TNKS2: variants seen among roughly 807,000 people sequenced by gnomAD.
TNKS2 encodes poly [ADP-ribose] polymerase tankyrase-2.
A neutral mutation model predicts 137.6 loss-of-function variants in TNKS2; 72 were observed. The ratio of observed to expected loss-of-function variants is 0.52; its 90% CI spans 0.43 to 0.64. The LOEUF is 0.64. Among genes scored for constraint, TNKS2 ranks in the 30% least tolerant of loss-of-function variants. The probability of loss-of-function intolerance (pLI) is 0.00; values close to 1 mark genes in which losing one functional copy is unlikely to be tolerated. For missense variants in TNKS2, 1,049 were observed against 1,410.2 expected, an observed-to-expected ratio of 0.74 and a Z score of 4.10; for synonymous variants, 516 against 512.1, an observed-to-expected ratio of 1.01 and a Z score of -0.10.
chr10:91,808,797 G>T (rs1196631946), intron 1 of TNKS2, among the ~76,000 whole-genome samples: 1 of 152,160 alleles, frequency 6.6e-6, no homozygotes, highest in African/African-American at 2.4e-5. Context: ...CTAAAAAGAG[G>T]TTAGAGAACT....
chr10:91,842,055 T>C (rs1474027699), intron 15 of TNKS2, 117 bp from the exon 16 acceptor site: 2 of 587,160 alleles, frequency 3.4e-6, no homozygotes, highest in East Asian at 2.9e-5. Context: ...ACCTTCAAAG[T>C]AGAGTCTCAA....
In TNKS2 at chr10:91,798,820, G is replaced by C; in HGVS notation, c.130G>C (p.Val44Leu). 1 of 1,344,474 alleles carries C rather than the reference G, an allele frequency of 7.4e-7. No homozygotes were observed. Among genetic ancestry groups the C allele is most frequent in the African/African-American group, 1.5e-5 (1 of 66,090 alleles). The allele number at this position is 1,344,474 out of a possible 1,614,324, so 83.3% of individuals were successfully genotyped here. ...GGACGTGGAACGAGTCAAGAGGCTGGTGACGCCTGAGAAGGTGAACAGCCG... is the reference window on the plus strand; with the variant it reads ...GGACGTGGAACGAGTCAAGAGGCTGCTGACGCCTGAGAAGGTGAACAGCCG... ...NGDVERVKRL[V>L]TPEKVNSRDT... The change falls in exon 1 of 27, where the codon GTG becomes CTG. Residue 44 changes from valine to leucine, a missense_variant. Around this residue, in one of 6 missense-constraint regions of TNKS2, gnomAD observed 374 missense variants for 460.8 expected, o/e 0.81. Transcript: ENST00000371627.
chr10:91,854,914 A>G (rs200183181), intron 21 of TNKS2, 115 bp from the exon 22 acceptor site: 1 of 495,200 alleles, frequency 2.0e-6, no homozygotes, highest in East Asian at 3.8e-5. Context: ...AAAAAAAAAA[A>G]GTTTAAAAAA....
At chr10:91,803,121 A>T (rs117001607) in intron 1 of TNKS2, among the ~76,000 whole-genome samples, 1 of 152,234 alleles carries the variant, frequency 6.6e-6, no homozygotes, top group African/African-American at 2.4e-5. Context: ...CAGTATGTCT[A>T]TCCCAAGTTG....
rs774046359 is a variant in TNKS2, at chr10:91,848,540, G to A, written c.2516G>A (p.Ser839Asn). 6.2e-7 allele frequency: 1 copy of A among 1,614,116 alleles called. No individual in the cohort carries two copies. The highest frequency in any genetic ancestry group is 1.1e-5 in the South Asian group (1 of 91,086). The change falls in exon 19 of 27, where the codon AGC becomes AAC. Residue 839 changes from serine (S) to asparagine (N), a missense_variant. Coordinates refer to ENST00000371627, the MANE Select transcript of TNKS2 (RefSeq NM_025235.4). ...AGCCCATCAAGCCTTTCTGCAGCCAGCAGTCTTGACAACTTATCTGGGAGT... is the reference window on the plus strand; with the variant it reads ...AGCCCATCAAGCCTTTCTGCAGCCAACAGTCTTGACAACTTATCTGGGAGT... ...PSSPSSLSAASSLDNLSGSFS... is the reference protein window; with the variant it reads ...PSSPSSLSAANSLDNLSGSFS...
intron 18 of TNKS2, among the ~76,000 whole-genome samples, chr10:91,846,852 T>A (rs1842391047): frequency 6.6e-6 from 1 of 152,190 alleles, no homozygotes; most frequent in Admixed American, 6.5e-5. Flanking sequence ...TCCACCCATA[T>A]GTTAGTTGAC....
At chr10:91,834,244 T>C (rs1358085258) in intron 12 of TNKS2, among the ~76,000 whole-genome samples, 3 of 152,198 alleles carry the variant, frequency 2.0e-5, no homozygotes, top group Non-Finnish European at 4.4e-5. Flanking sequence ...CTGCCCAGTT[T>C]CTTAAGTTAA....
intron 7 of TNKS2, among the ~76,000 whole-genome samples, chr10:91,825,861 A>G (rs1845052059): frequency 6.6e-6 from 1 of 152,260 alleles, no homozygotes; most frequent in Admixed American, 6.5e-5. Context: ...AGTGGAACTC[A>G]AATGTTGCTG....
rs149041264 is a variant in TNKS2 at position 91,865,438 on chromosome 10, G to A, written c.*2439G>A. ...TTTGAAGTTTGAAATATTGAATATT[G>A]TAGCTGTACTTGCTCATTAAAATGA... On this transcript the variant is annotated 3_prime_UTR_variant, in exon 27 of 27. Transcript: ENST00000371627. 5.3e-3 allele frequency among the ~76,000 whole-genome samples: 808 copies of A among 152,274 alleles called. 5 individuals are homozygous for A. The highest frequency in any genetic ancestry group is 0.018 in the African/African-American group (769 of 41,572).
intron 1 of TNKS2, among the ~76,000 whole-genome samples, chr10:91,804,062 A>G (rs937367229): frequency 4.6e-5 from 7 of 152,082 alleles, no homozygotes; most frequent in African/African-American, 1.5e-4. Flanking sequence ...ATTATTAACA[A>G]TAGTCATAGT....
chr10:91,842,491 A>T, intron 16 of TNKS2, 100 bp downstream of exon 16: 1 of 1,101,140 alleles, frequency 9.1e-7, no homozygotes, highest in Non-Finnish European at 1.3e-6. Context: ...AATTCAAATC[A>T]GGCCAAGCAT....
chr10:91,831,229 T>C, intron 11 of TNKS2, 48 bp downstream of exon 11: 1 of 1,534,460 alleles, frequency 6.5e-7, no homozygotes, highest in Non-Finnish European at 9.0e-7. Context: ...AGTTATTTTT[T>C]ATTTAGCAGG....
In TNKS2 at chr10:91,853,489, G is replaced by A. The variant is rs11813978; in HGVS notation, c.2816-1540G>A. The stretch of plus-strand genomic sequence containing the variant: ...ATGTTAGTCAACCAACAGGGATTCT[G>A]TACTTACACCTGATTTGCAAAGTGG... On this transcript the variant is annotated intron_variant, in intron 21 of 26. Coordinates refer to ENST00000371627, the MANE Select transcript of TNKS2 (RefSeq NM_025235.4). 4.2e-3 allele frequency among the ~76,000 whole-genome samples: 647 copies of A among 152,242 alleles called. 5 individuals are homozygous for A. The highest frequency in any genetic ancestry group is 0.015 in the African/African-American group (617 of 41,548).
At chr10:91,852,600 A>G (rs975212663) in intron 21 of TNKS2, among the ~76,000 whole-genome samples, 4 of 152,232 alleles carry the variant, frequency 2.6e-5, no homozygotes, top group Admixed American at 6.5e-5. Flanking sequence ...TAAGTGTCAA[A>G]ACCACATTTA....
intron 12 of TNKS2, chr10:91,836,693 T>C: frequency 2.0e-6 from 2 of 985,222 alleles, no homozygotes; most frequent in South Asian, 4.7e-5. Context: ...TTATAATCAT[T>C]ATACACATTT....
At chr10:91,828,120 CT>C (rs1845123643) in intron 8 of TNKS2, among the ~76,000 whole-genome samples, 164 bp from the exon 9 acceptor site, 1 of 152,128 alleles carries the variant, frequency 6.6e-6, no homozygotes, top group Non-Finnish European at 1.5e-5. Context: ...TGGAGTACCA[CT>C]GTCTGTTTTC....
At chr10:91,804,848 C>T (rs1451006812) in intron 1 of TNKS2, among the ~76,000 whole-genome samples, 3 of 152,134 alleles carry the variant, frequency 2.0e-5, no homozygotes, top group African/African-American at 7.2e-5. Flanking sequence ...CCTCCACCTC[C>T]CAGGTTCAAG....
At chr10:91,849,471 G>T in intron 19 of TNKS2, 41 bp from the exon 20 acceptor site, 1 of 1,468,438 alleles carries the variant, frequency 6.8e-7, no homozygotes. Flanking sequence ...ACATTATTCT[G>T]ATGTGAAATT....
chr10:91,810,920 C>A, intron 1 of TNKS2, among the ~76,000 whole-genome samples: 1 of 50,126 alleles, frequency 2.0e-5, no homozygotes, highest in Non-Finnish European at 3.2e-5. Flanking sequence ...CTTTTCTTTT[C>A]TTTTTTTTTT....
Sources: gnomAD v4.1 joint callset for allele counts (sites outside exome capture counted in the v4.1 genomes callset) on GRCh38, gnomAD v4.1.1 for gene constraint, gnomAD v4.1.1 regional missense constraint, MANE v1.5 for transcripts, NCBI Gene and HGNC (gene_info 2026-07-23, HGNC 2026-07-21) for gene names.